The following FSTL5 variants were observed in gnomAD, a reference collection of about 807,000 sequenced individuals.
FSTL5 encodes the protein follistatin-related protein 5.
A neutral mutation model predicts 89.1 loss-of-function variants in FSTL5; 62 were observed. The observed-to-expected ratio is 0.70, with a 90% CI of 0.57 to 0.86. FSTL5 has a LOEUF of 0.86. Ranked by LOEUF, FSTL5 falls within the 40% of genes least tolerant of loss-of-function variation. The pLI, the probability that FSTL5 is intolerant of heterozygous loss-of-function variation, is 0.00. For missense variants in FSTL5, 1,057 were observed against 1,001.6 expected (o/e 1.06, Z -0.75); for synonymous variants, 383 against 346.2 (o/e 1.11, Z -1.18).
chr4:161,988,930 CA>C (rs1736036632), intron 3 of FSTL5, among the ~76,000 whole-genome samples: 1 of 152,068 alleles, frequency 6.6e-6, no homozygotes, highest in South Asian at 2.1e-4. Flanking sequence ...CATGCATATT[CA>C]ACAGAATGCA....
At chr4:162,149,290 G>A (rs1271761086) in intron 1 of FSTL5, among the ~76,000 whole-genome samples, 1 of 151,914 alleles carries the variant, frequency 6.6e-6, no homozygotes, top group African/African-American at 2.4e-5. Flanking sequence ...TGTAATCCAG[G>A]CTGAGTCAGG....
chr4:162,096,594 T>C (rs910502881), intron 2 of FSTL5, among the ~76,000 whole-genome samples: 1 of 151,808 alleles, frequency 6.6e-6, no homozygotes, highest in Non-Finnish European at 1.5e-5. Context: ...CAGTGACTCA[T>C]AGATGCCTAC....
intron 6 of FSTL5, among the ~76,000 whole-genome samples, chr4:161,681,690 G>A (rs1157072079): frequency 6.6e-6 from 1 of 151,644 alleles, no homozygotes; most frequent in African/African-American, 2.4e-5. Flanking sequence ...ATCCAATAGG[G>A]TATATGCTTA....
intron 10 of FSTL5, among the ~76,000 whole-genome samples, chr4:161,523,005 A>G (rs922727953): frequency 1.3e-5 from 2 of 152,098 alleles, no homozygotes; most frequent in South Asian, 2.1e-4. Flanking sequence ...AATAATGATA[A>G]CTAGAAGAAA....
chr4:161,504,448 G>A (rs1006978460), intron 11 of FSTL5, among the ~76,000 whole-genome samples: 7 of 151,182 alleles, frequency 4.6e-5, no homozygotes, highest in African/African-American at 1.5e-4. Flanking sequence ...GGTAAAGATC[G>A]GGAACATGTG....
At chr4:162,067,078 C>G (rs2111299028) in intron 2 of FSTL5, among the ~76,000 whole-genome samples, 1 of 152,184 alleles carries the variant, frequency 6.6e-6, no homozygotes, top group South Asian at 2.1e-4. Context: ...TTCTGTCACC[C>G]AGGCTGGAGT....
chr4:161,821,311 G>A lies in FSTL5; in HGVS notation c.410-45237C>T, dbSNP rs139116483. Among the ~76,000 whole-genome samples the A allele has an allele frequency of 7.7e-3, 1,166 of 152,208 alleles. 19 individuals are homozygous for A. Among genetic ancestry groups the A allele is most frequent in the African/African-American group, 0.025 (1,049 of 41,522 alleles). On this transcript the variant is annotated intron_variant, in intron 4 of 15. Transcript: ENST00000306100. ...TCTCAACCTCCCAAATTGCCACGAT[G>A]ACCAGTGTGAACCACTGCACATGGC...
At position 161,709,113 on chromosome 4, in the gene FSTL5, G is replaced by T. The variant is rs556051371; in HGVS notation, c.727+50298C>A. Reference sequence around the variant, plus strand: ...GGTCCTAAATGGACCTAATATAGTAGACTTATGTTAGTGGTGCTATTTTTA... The same window carrying T: ...GGTCCTAAATGGACCTAATATAGTATACTTATGTTAGTGGTGCTATTTTTA... On this transcript the variant is annotated intron_variant, in intron 6 of 15. Transcript: ENST00000306100. Among the ~76,000 whole-genome samples the T allele has an allele frequency of 3.2e-4, 49 of 152,206 alleles. 1 individual carries two copies. In the South Asian group the frequency reaches 9.9e-3, roughly 31 times the overall value.
At chr4:161,410,407 C>A (rs1448208525) in intron 15 of FSTL5, among the ~76,000 whole-genome samples, 3 of 152,184 alleles carry the variant, frequency 2.0e-5, no homozygotes, top group African/African-American at 7.2e-5. Flanking sequence ...CTCCACCCAA[C>A]AATCACAGAG....
At chr4:161,497,283 C>A (rs1292517323) in intron 12 of FSTL5, among the ~76,000 whole-genome samples, 3 of 151,934 alleles carry the variant, frequency 2.0e-5, no homozygotes, top group South Asian at 2.1e-4. Context: ...TTTACTCTAG[C>A]CTTTTTTCAT....
chr4:161,537,734 G>A (rs1731673748), intron 10 of FSTL5, among the ~76,000 whole-genome samples: 1 of 152,104 alleles, frequency 6.6e-6, no homozygotes, highest in South Asian at 2.1e-4. Flanking sequence ...TGTAGAGAAG[G>A]ATGCTGTACA....
intron 4 of FSTL5, among the ~76,000 whole-genome samples, chr4:161,825,435 T>A (rs979152610): frequency 6.6e-6 from 1 of 152,172 alleles, no homozygotes; most frequent in Non-Finnish European, 1.5e-5. Context: ...TCCTTCTTTT[T>A]TTATCTTGTG....
chr4:162,153,632 A>AATATATGTATATTATATATGTAT (rs1425382950), intron 1 of FSTL5, among the ~76,000 whole-genome samples: 9 of 64,890 alleles, frequency 1.4e-4, no homozygotes, highest in Admixed American at 8.7e-4. Flanking sequence ...ATATGTATAT[A>AATATATGTATATTATATATGTAT]ATAATATATG....
intron 7 of FSTL5, among the ~76,000 whole-genome samples, chr4:161,620,279 T>C (rs557872046): frequency 6.6e-6 from 1 of 151,736 alleles, no homozygotes; most frequent in Non-Finnish European, 1.5e-5. Flanking sequence ...GCATGGCACA[T>C]GTATACATTT....
intron 4 of FSTL5, among the ~76,000 whole-genome samples, chr4:161,788,264 A>G (rs542208283): frequency 1.3e-5 from 2 of 152,330 alleles, no homozygotes; most frequent in East Asian, 3.9e-4. Context: ...TGATGTGAAC[A>G]TTCAAAATCC....
chr4:162,118,505 C>T (rs1731736305), intron 1 of FSTL5, among the ~76,000 whole-genome samples: 2 of 152,272 alleles, frequency 1.3e-5, no homozygotes, highest in Admixed American at 1.3e-4. Context: ...TCGTGATCCG[C>T]CCCGCTCGGC....
At chr4:161,639,971 T>C (rs2126666906) in intron 7 of FSTL5, among the ~76,000 whole-genome samples, 1 of 152,320 alleles carries the variant, frequency 6.6e-6, no homozygotes, top group East Asian at 1.9e-4. Flanking sequence ...TTCATTTTTT[T>C]CTTTTTTACC....
At chr4:161,579,844 C>T (rs1001501839) in intron 8 of FSTL5, among the ~76,000 whole-genome samples, 19 of 151,582 alleles carry the variant, frequency 1.3e-4, no homozygotes, top group African/African-American at 2.2e-4. Context: ...GTTTAAGTTA[C>T]CCCAAAGTCA....
chr4:162,066,367 T>TCTTCTTCTC (rs1561000598), intron 2 of FSTL5, among the ~76,000 whole-genome samples: 15 of 136,468 alleles, frequency 1.1e-4, no homozygotes, highest in African/African-American at 3.5e-4. Flanking sequence ...TTCTTCTTCT[T>TCTTCTTCTC]CTTCTCCTTC....
Sources: gnomAD v4.1 joint callset for allele counts (sites outside exome capture counted in the v4.1 genomes callset) on GRCh38, gnomAD v4.1.1 for gene constraint, MANE v1.5 for transcripts, NCBI Gene and HGNC (gene_info 2026-07-23, HGNC 2026-07-21) for gene names.